The following FSD2 variants were observed in gnomAD, a reference collection of about 807,000 sequenced individuals.
FSD2 encodes the protein fibronectin type III and SPRY domain containing 2.
FSD2 carries 71 observed loss-of-function variants against 80.4 expected under a neutral mutation model. The observed-to-expected ratio is 0.88, with a 90% confidence interval of 0.73 to 1.08. The LOEUF (loss-of-function observed/expected upper bound fraction) is 1.08. Ranked by LOEUF, FSD2 falls within the 50% of genes least tolerant of loss-of-function variation. The pLI is 0.00. For missense variants in FSD2, 923 were observed against 913.8 expected (o/e 1.01, Z -0.13); for synonymous variants, 361 against 329.5 (o/e 1.10, Z -1.03).
intron 7 of FSD2, among the ~76,000 whole-genome samples, chr15:82,770,346 A>G (rs1596235453): frequency 6.6e-6 from 1 of 152,188 alleles, no homozygotes; most frequent in East Asian, 1.9e-4. Flanking sequence ...GGTGGTTCAG[A>G]ATAGAACTGT....
chr15:82,772,965 G>A (rs1036005179), intron 6 of FSD2, among the ~76,000 whole-genome samples: 2 of 152,134 alleles, frequency 1.3e-5, no homozygotes, highest in Non-Finnish European at 2.9e-5. Context: ...TTGTGCCTCA[G>A]CCTCCTGAGT....
intron 8 of FSD2, among the ~76,000 whole-genome samples, 153 bp from the exon 9 acceptor site, chr15:82,769,183 T>C (rs979113580): frequency 5.3e-5 from 8 of 152,190 alleles, no homozygotes; most frequent in African/African-American, 1.9e-4. Context: ...CTTCCAGATG[T>C]TCCTGGAATA....
At chr15:82,773,161 TC>T (rs1462012715) in intron 6 of FSD2, among the ~76,000 whole-genome samples, 2 of 152,212 alleles carry the variant, frequency 1.3e-5, no homozygotes, top group African/African-American at 4.8e-5. Context: ...TCCTCCATAA[TC>T]CTTCTCCCAT....
intron 4 of FSD2, among the ~76,000 whole-genome samples, chr15:82,780,658 A>G (rs2049832936): frequency 6.6e-6 from 1 of 151,690 alleles, no homozygotes; most frequent in Non-Finnish European, 1.5e-5. Flanking sequence ...TTACCAACAT[A>G]TTGTTATAAA....
chr15:82,790,638 C>T (rs567719481), intron 1 of FSD2, among the ~76,000 whole-genome samples: 9 of 151,784 alleles, frequency 5.9e-5, no homozygotes, highest in East Asian at 2.0e-4. Flanking sequence ...TCCAGTGGCG[C>T]GATCTCGGCT....
At chr15:82,775,397 CAAAA>C in intron 6 of FSD2, among the ~76,000 whole-genome samples, 1 of 138,994 alleles carries the variant, frequency 7.2e-6, no homozygotes, top group East Asian at 2.1e-4. Flanking sequence ...GACTCTGTCT[CAAAA>C]AAAAAAAAAA....
intron 10 of FSD2, among the ~76,000 whole-genome samples, 189 bp from the exon 11 acceptor site, chr15:82,765,487 A>G (rs1344455645): frequency 6.6e-6 from 1 of 152,088 alleles, no homozygotes; most frequent in Admixed American, 6.5e-5. Context: ...ATCCCCTTCA[A>G]TCCTCACGAC....
At chr15:82,759,709 A>G (rs2049245715) in intron 12 of FSD2, 109 bp from the exon 13 acceptor site, 2 of 897,048 alleles carry the variant, frequency 2.2e-6, no homozygotes, top group Non-Finnish European at 3.3e-6. Flanking sequence ...GCTATTTTCT[A>G]GTATTAAATG....
Position 82,783,003 on chromosome 15 carries a change from T to G in FSD2, c.758A>C (p.Gln253Pro). ...CTCGTTGTAATGTGACTCAAAGTTTTGTTCTTGTTTTCCAAAATTCTCCTG... is the reference window on the plus strand; with the variant it reads ...CTCGTTGTAATGTGACTCAAAGTTTGGTTCTTGTTTTCCAAAATTCTCCTG... ...TVEENFGKQE[Q>P]NFESHYNEIL... The change falls in exon 4 of 13, where the codon CAA becomes CCA. Residue 253 changes from glutamine to proline, a missense_variant. Gln to Pro is a moderately conservative substitution (Grantham distance 76). Transcript: ENST00000334574. The G allele has an allele frequency of 6.2e-7, 1 of 1,612,096 alleles. No homozygotes were observed. The highest frequency in any genetic ancestry group is 8.5e-7 in the Non-Finnish European group (1 of 1,179,456).
chr15:82,763,138 C>T (rs1390661122), intron 11 of FSD2, among the ~76,000 whole-genome samples: 1 of 152,224 alleles, frequency 6.6e-6, no homozygotes, highest in Non-Finnish European at 1.5e-5. Context: ...TCCAGACTCA[C>T]ATTTCCACTT....
At chr15:82,791,639 T>G (rs2050154711) in intron 1 of FSD2, among the ~76,000 whole-genome samples, 1 of 152,160 alleles carries the variant, frequency 6.6e-6, no homozygotes, top group African/African-American at 2.4e-5. Flanking sequence ...CCCAAAGTGC[T>G]GAGATTACAG....
chr15:82,760,759 A>ACC (rs1555475171), intron 12 of FSD2, among the ~76,000 whole-genome samples: 7 of 151,252 alleles, frequency 4.6e-5, no homozygotes, highest in Admixed American at 1.3e-4. Context: ...ACACACACAC[A>ACC]CCCTACATCT....
At position 82,769,849 on chromosome 15, in the gene FSD2, C is replaced by T. The variant is rs1347910271; in HGVS notation, c.1303G>A (p.Val435Met). ...TGGGTATTTGGCACAAGGTTTGTCA[C>T]TGAGCAATATGTTTCTTTGACAGTC... Reference protein sequence around the residue: ...TVTVKETYCSVTNLVPNTQYE... With the variant: ...TVTVKETYCSMTNLVPNTQYE... The change falls in exon 8 of 13, where the codon GTG becomes ATG. Residue 435 changes from valine to methionine, a missense_variant. Physicochemically the swap from Val to Met is conservative, Grantham distance 21 (BLOSUM62 1). Coordinates refer to ENST00000334574, the MANE Select transcript of FSD2 (RefSeq NM_001007122.4). The T allele has an allele frequency of 4.3e-6, 7 of 1,613,778 alleles. No homozygotes were observed. In the South Asian group the frequency reaches 5.5e-5, roughly 13 times the overall value.
In FSD2 at chr15:82,787,500, C is replaced by A. The variant is rs912185318; in HGVS notation, c.-78-32G>T. 3 of 1,083,188 alleles carry A rather than the reference C, an allele frequency of 2.8e-6. No homozygotes were observed. The African/African-American group carries it at 4.7e-5, about 17-fold the overall frequency. 67.1% of individuals were successfully genotyped at this position (1,083,188 alleles called of 1,614,324 possible). The stretch of plus-strand genomic sequence containing the variant: ...CACAAAAGGAGGAGGAAAATCATTT[C>A]TGGAGAAGGGCATTGCAGTAGATGA... On this transcript the variant is annotated intron_variant, in intron 1 of 12. Coordinates refer to ENST00000334574, the MANE Select transcript of FSD2 (RefSeq NM_001007122.4).
intron 1 of FSD2, among the ~76,000 whole-genome samples, chr15:82,794,960 G>A (rs1259906572): frequency 3.9e-5 from 6 of 152,056 alleles, no homozygotes; most frequent in Non-Finnish European, 7.4e-5. Context: ...TCCTGACCTC[G>A]TGATCTGCCC....
chr15:82,772,886 C>T (rs2049618366), intron 6 of FSD2, among the ~76,000 whole-genome samples: 1 of 152,124 alleles, frequency 6.6e-6, no homozygotes, highest in African/African-American at 2.4e-5. Flanking sequence ...CTTGCTCTGT[C>T]ACCCAGGCTG....
rs2049185448 is a variant in FSD2, at chr15:82,756,758, C to A, written c.*2590G>T. 1 of 152,172 alleles carries A rather than the reference C, an allele frequency of 6.6e-6. No homozygotes were observed. The highest frequency in any genetic ancestry group is 1.5e-5 in the Non-Finnish European group (1 of 68,036). The allele number at this position is 152,172 out of a possible 1,614,324, so 9.4% of individuals were successfully genotyped here. On this transcript the variant is annotated 3_prime_UTR_variant, in exon 13 of 13. Transcript: ENST00000334574. The stretch of plus-strand genomic sequence containing the variant: ...GGGAGGCCACAGCTTATGTGAATGA[C>A]TTTCTCAGGAGTTATAAAGTGATAC...
At position 82,787,194 on chromosome 15, in the gene FSD2, T is replaced by A. The variant is rs1036923345; in HGVS notation, c.197A>T (p.Asp66Val). 6.2e-7 allele frequency: 1 copy of A among 1,613,970 alleles called. No individual in the cohort carries two copies. The highest frequency in any genetic ancestry group is 8.5e-7 in the Non-Finnish European group (1 of 1,179,896). Residue 66 changes from aspartate to valine, a missense_variant, in exon 2 of 13, where the codon GAC (aspartate) becomes GTC (valine). Asp to Val is a radical substitution (Grantham distance 152). Coordinates refer to ENST00000334574, the MANE Select transcript of FSD2 (RefSeq NM_001007122.4). ...AAGTTCATCCACTTCCTCTTGAAGG[T>A]CTCTTTGAGCCTTACCATCCCCTGC... Reference protein sequence around the residue: ...RGAGDGKAQRDLQEEVDELVH... With the variant: ...RGAGDGKAQRVLQEEVDELVH...
Position 82,759,382 on chromosome 15 carries a change from C to T in FSD2, c.2216G>A (p.Gly739Asp). The T allele has an allele frequency of 3.7e-6, 6 of 1,613,292 alleles. No homozygotes were observed. The South Asian group carries it at 6.6e-5, about 18-fold the overall frequency. Reference sequence around the variant, plus strand: ...AGTGACATGTTTTGGCATTGAAATGCCATTATGTACCTTTAGACACCCAGG... The same window carrying T: ...AGTGACATGTTTTGGCATTGAAATGTCATTATGTACCTTTAGACACCCAGG... ...EKPGCLKVHN[G>D]ISMPKHVTFY is the part of the protein sequence containing the mutation. Residue 739 changes from glycine (G) to aspartate (D), a missense_variant, in exon 13 of 13, where the codon GGC (glycine) becomes GAC (aspartate). Coordinates refer to ENST00000334574, the MANE Select transcript of FSD2 (RefSeq NM_001007122.4).
Sources: allele counts gnomAD v4.1 joint callset (sites outside exome capture counted in the v4.1 genomes callset), GRCh38; gene constraint gnomAD v4.1.1; transcripts MANE v1.5; gene names NCBI Gene and HGNC (gene_info 2026-07-23, HGNC 2026-07-21).